EPAS1: variants seen among roughly 807,000 people sequenced by gnomAD.
The protein encoded by EPAS1 is endothelial PAS domain-containing protein 1.
Under a neutral mutation model 87.9 loss-of-function variants are expected in EPAS1, and 23 were observed. The observed-to-expected ratio is 0.26, with a 90% CI of 0.19 to 0.37. The LOEUF is 0.37. Ranked by LOEUF, EPAS1 falls within the 10% of genes least tolerant of loss-of-function variation. The pLI is 1.00. For synonymous variants in EPAS1, 508 were observed against 444.3 expected, an observed-to-expected ratio of 1.14 and a Z score of -1.80; for missense variants, 1,138 against 1,120.7, an observed-to-expected ratio of 1.02 and a Z score of -0.22.
rs1410002978 is a variant in EPAS1 at position 46,363,017 on chromosome 2, G to GTGGTGGTGGTGGTGATGA, written c.779+1929_779+1930insGTGGTGGTGGTGATGATG. ...GGTGGTGGTGGTGGTGGTGGTGGTG[G>GTGGTGGTGGTGGTGATGA]TGATAATGATGGTGGTTCAAGAAGA... On this transcript the variant is annotated intron_variant, in intron 6 of 15. Transcript: ENST00000263734. Among the ~76,000 whole-genome samples, 31 of 144,360 alleles carry GTGGTGGTGGTGGTGATGA rather than the reference G, an allele frequency of 2.1e-4. 1 individual carries two copies. The highest frequency in any genetic ancestry group is 6.5e-4 in the African/African-American group (25 of 38,444). 94.7% of individuals were successfully genotyped at this position (144,360 alleles called of 152,430 possible). A position where few individuals can be genotyped will look rare whatever the true frequency, so the allele number is the denominator to read the frequency against.
intron 6 of EPAS1, among the ~76,000 whole-genome samples, chr2:46,366,790 G>T (rs1380644183): frequency 6.6e-6 from 1 of 152,222 alleles, no homozygotes; most frequent in African/African-American, 2.4e-5. Context: ...AGCCCAGCTC[G>T]GAAGGCTTGT....
At chr2:46,378,204 C>G in intron 10 of EPAS1, 117 bp downstream of exon 10, 1 of 1,475,992 alleles carries the variant, frequency 6.8e-7, no homozygotes, top group Non-Finnish European at 9.0e-7. Context: ...CACAGAGCCC[C>G]CTAGAGTGGC....
Position 46,380,814 on chromosome 2 carries a change from C to T in EPAS1, c.2045+97C>T. 1 of 1,585,540 alleles carries T rather than the reference C, an allele frequency of 6.3e-7. No homozygotes were observed. Among genetic ancestry groups the T allele is most frequent in the South Asian group, 1.1e-5 (1 of 90,260 alleles). On this transcript the variant is annotated intron_variant, in intron 12 of 15. Transcript: ENST00000263734. This position sits in a 1 kb window ranked among gnomAD's most constrained non-coding sequence, Gnocchi z 4.4. ...CCCAGGGAGGCCCCTGCCCCTCTCC[C>T]CAGCCATCTGATACCCCATTTAGCC...
intron 1 of EPAS1, among the ~76,000 whole-genome samples, chr2:46,314,212 G>A (rs760948897): frequency 3.3e-5 from 5 of 152,196 alleles, no homozygotes; most frequent in Admixed American, 2.6e-4. Flanking sequence ...CACCGGAGGA[G>A]TAGAGGCCAT....
intron 1 of EPAS1, among the ~76,000 whole-genome samples, chr2:46,340,800 T>C (rs1683896684): frequency 6.6e-6 from 1 of 152,258 alleles, no homozygotes; most frequent in Non-Finnish European, 1.5e-5. Flanking sequence ...CATGGCTCAC[T>C]GCAGCCTCGA....
intron 6 of EPAS1, among the ~76,000 whole-genome samples, chr2:46,363,169 C>T (rs1438101888): frequency 6.6e-6 from 1 of 152,302 alleles, no homozygotes; most frequent in South Asian, 2.1e-4. Context: ...CCTCAGTAGT[C>T]TTGTGAGATA....
intron 2 of EPAS1, among the ~76,000 whole-genome samples, chr2:46,348,662 C>T (rs1416071212): frequency 6.6e-6 from 1 of 152,226 alleles, no homozygotes; most frequent in African/African-American, 2.4e-5. Flanking sequence ...CACAAAGCCC[C>T]AGAAGGGGTA....
intron 1 of EPAS1, among the ~76,000 whole-genome samples, chr2:46,329,491 A>G (rs897827117): frequency 2.0e-5 from 3 of 152,148 alleles, no homozygotes; most frequent in African/African-American, 7.2e-5. Flanking sequence ...GACCTTGCCT[A>G]TTAATTGGCC....
Position 46,375,178 on chromosome 2 carries a change from G to GGA in EPAS1, c.887-512_887-511insGA, listed in dbSNP as rs1553397287. ...GCAGGGTATTGGTGGTGGGTCTGCT[G>GGA]AAAAAAAAAAACAAAAAAAAACAAA... On this transcript the variant is annotated intron_variant, in intron 7 of 15. Transcript: ENST00000263734. This position sits in a 1 kb window ranked among gnomAD's most constrained non-coding sequence, Gnocchi z 4.1. 8.5e-6 allele frequency among the ~76,000 whole-genome samples: 1 copy of GGA among 117,540 alleles called. No homozygotes were observed. Among genetic ancestry groups the GGA allele is most frequent in the Non-Finnish European group, 1.8e-5 (1 of 57,090 alleles). 77.1% of individuals were successfully genotyped at this position (117,540 alleles called of 152,430 possible).
At chr2:46,333,605 C>T (rs987119562) in intron 1 of EPAS1, among the ~76,000 whole-genome samples, 10 of 151,964 alleles carry the variant, frequency 6.6e-5, no homozygotes, top group Admixed American at 3.3e-4. Context: ...TTGGGGGTGG[C>T]AGGGCATAGT....
At chr2:46,326,936 TGTG>T (rs1167502648) in intron 1 of EPAS1, among the ~76,000 whole-genome samples, 4 of 152,190 alleles carry the variant, frequency 2.6e-5, no homozygotes, top group African/African-American at 9.7e-5. Context: ...ACCTATGAGT[TGTG>T]GTATCTTGGA....
chr2:46,339,617 T>A (rs917113062), intron 1 of EPAS1, among the ~76,000 whole-genome samples: 1 of 152,254 alleles, frequency 6.6e-6, no homozygotes, highest in Non-Finnish European at 1.5e-5. Flanking sequence ...TAGTGTGTGA[T>A]CCAAATGTAA....
chr2:46,322,019 A>G (rs1238286995), intron 1 of EPAS1, among the ~76,000 whole-genome samples: 2 of 152,088 alleles, frequency 1.3e-5, no homozygotes, highest in East Asian at 1.9e-4. Flanking sequence ...TATAATCCCT[A>G]CTGATTTGGG....
chr2:46,332,104 C>T (rs913568677), intron 1 of EPAS1, among the ~76,000 whole-genome samples: 2 of 152,118 alleles, frequency 1.3e-5, no homozygotes, highest in East Asian at 1.9e-4. Context: ...CGCACAGAAA[C>T]CAACCATTGC....
In EPAS1 at chr2:46,380,678, C is replaced by T. The variant is rs778733586; in HGVS notation, c.2006C>T (p.Pro669Leu). ...TTCTTGGGAGCAGCGCCGTTGGGGC[C>T]CCCTGTCTCTCCACCCCATGTCTCC... is the stretch of plus-strand genomic sequence containing the variant. ...TEFLGAAPLG[P>L]PVSPPHVSTF... The change falls in exon 12 of 16, where the codon CCC becomes CTC. Residue 669 changes from proline to leucine, a missense_variant. Transcript: ENST00000263734. This position sits in a 1 kb window ranked among gnomAD's most constrained non-coding sequence, Gnocchi z 4.4. 1 of 1,613,816 alleles carries T rather than the reference C, an allele frequency of 6.2e-7. No homozygotes were observed. Among genetic ancestry groups the T allele is most frequent in the Non-Finnish European group, 8.5e-7 (1 of 1,180,006 alleles).
At position 46,380,584 on chromosome 2, in the gene EPAS1, C is replaced by A. The variant is rs1386376778; in HGVS notation, c.1912C>A (p.Gln638Lys). ...TTCCATGGGGGGCAGATCCAATACC[C>A]AGTGGCCCCCAGATCCACCATTACA... ...LSSMGGRSNT[Q>K]WPPDPPLHFG... is the part of the protein sequence containing the mutation. The change falls in exon 12 of 16, where the codon CAG (glutamine) becomes AAG (lysine). Residue 638 changes from glutamine to lysine, a missense_variant. Around this residue, in one of 4 missense-constraint regions of EPAS1, gnomAD observed 502 missense variants for 427.1 expected, o/e 1.18. Transcript: ENST00000263734. This position sits in a 1 kb window ranked among gnomAD's most constrained non-coding sequence, Gnocchi z 4.4. 6.2e-7 allele frequency: 1 copy of A among 1,614,112 alleles called. No homozygotes were observed. Among genetic ancestry groups the A allele is most frequent in the Middle Eastern group, 1.6e-4 (1 of 6,062 alleles).
At chr2:46,381,357 G>A (rs759943525) in intron 12 of EPAS1, 14 of 592,638 alleles carry the variant, frequency 2.4e-5, no homozygotes, top group African/African-American at 3.7e-5. Context: ...ACATTGCCCA[G>A]CCAGGCAGCC....
intron 1 of EPAS1, among the ~76,000 whole-genome samples, chr2:46,306,784 A>T (rs1683115122): frequency 1.3e-5 from 2 of 152,246 alleles, no homozygotes; most frequent in Non-Finnish European, 2.9e-5. Context: ...ACAAGATTTT[A>T]AAAATCACAT....
At chr2:46,337,670 G>A (rs1004022284) in intron 1 of EPAS1, among the ~76,000 whole-genome samples, 1 of 152,148 alleles carries the variant, frequency 6.6e-6, no homozygotes, top group Non-Finnish European at 1.5e-5. Context: ...GGAAGCTTGT[G>A]AGATCCAAAG....
Sources: gnomAD v4.1 joint callset for allele counts (sites outside exome capture counted in the v4.1 genomes callset) on GRCh38, gnomAD v4.1.1 for gene constraint, gnomAD v4.1.1 regional missense constraint, Gnocchi (gnomAD v3.1) non-coding constraint, MANE v1.5 for transcripts, NCBI Gene and HGNC (gene_info 2026-07-23, HGNC 2026-07-21) for gene names.